The following FAM13A variants were observed in gnomAD, a reference collection of about 807,000 sequenced individuals.
The protein encoded by FAM13A is family with sequence similarity 13 member A.
In FAM13A, 76 loss-of-function variants were observed where a neutral mutation model predicts 129.6. The observed-to-expected ratio is 0.59, with a 90% CI of 0.49 to 0.71. The LOEUF (loss-of-function observed/expected upper bound fraction) is 0.71, where lower values mean the gene tolerates loss of function less well. Ranked by LOEUF, FAM13A falls within the 30% of genes least tolerant of loss-of-function variation. The pLI is 0.00. For missense variants in FAM13A, 1,108 were observed against 1,249.3 expected, an observed-to-expected ratio of 0.89 and a Z score of 1.70; for synonymous variants, 443 against 449.9, an observed-to-expected ratio of 0.98 and a Z score of 0.20.
intron 9 of FAM13A, among the ~76,000 whole-genome samples, chr4:88,790,079 T>C (rs1262989004): frequency 6.6e-6 from 1 of 152,138 alleles, no homozygotes; most frequent in Non-Finnish European, 1.5e-5. Context: ...TTGCCATCAC[T>C]AATTTGCTTT....
chr4:88,922,223 T>C (rs1193162993), intron 5 of FAM13A, among the ~76,000 whole-genome samples: 1 of 151,908 alleles, frequency 6.6e-6, no homozygotes. Context: ...TACAGAACTC[T>C]CCACCCCACA....
At chr4:89,028,180 T>A (rs1401108973) in intron 2 of FAM13A, among the ~76,000 whole-genome samples, 2 of 140,424 alleles carry the variant, frequency 1.4e-5, no homozygotes, top group African/African-American at 5.4e-5. Context: ...CACTACAGCC[T>A]GGGCTACAAA....
Position 88,921,309 on chromosome 4 carries a change from G to A in FAM13A, c.760-14847C>T, listed in dbSNP as rs1171574697. 3.9e-5 allele frequency among the ~76,000 whole-genome samples: 6 copies of A among 152,222 alleles called. No individual in the cohort carries two copies. In the South Asian group the frequency reaches 6.2e-4, roughly 16 times the overall value. On this transcript the variant is annotated intron_variant, in intron 5 of 23. Coordinates refer to ENST00000264344, the MANE Select transcript of FAM13A (RefSeq NM_014883.4). ...TTAAGGGCAGCCAGAGAGAAAGGTC[G>A]GGTTACCCACAAAGGGAAGCCTATC...
At chr4:88,837,185 G>A (rs1339643621) in intron 7 of FAM13A, among the ~76,000 whole-genome samples, 3 of 150,400 alleles carry the variant, frequency 2.0e-5, no homozygotes, top group Non-Finnish European at 3.0e-5. Flanking sequence ...GTAGAGACGA[G>A]GTTTCTCCCA....
Position 89,020,539 on chromosome 4 carries a change from C to A in FAM13A, c.348G>T (p.Leu116=). The change falls in exon 3 of 24, where the codon CTG becomes CTT. Residue 116 remains leucine, a synonymous_variant. Coordinates refer to ENST00000264344, the MANE Select transcript of FAM13A (RefSeq NM_014883.4). Reference sequence around the variant, plus strand: ...GCAGCTCCCTCAGAAACAGCTTCAACAGACTGGCTGCTGAGCAGACATCAC... The same window carrying A: ...GCAGCTCCCTCAGAAACAGCTTCAAAAGACTGGCTGCTGAGCAGACATCAC... ...KDGDVCSAAS[L]LKLFLRELPD... 6.2e-7 allele frequency: 1 copy of A among 1,614,140 alleles called. No homozygotes were observed.
rs201079957 is a variant in FAM13A at position 88,922,179 on chromosome 4, C to T, written c.760-15717G>A. On this transcript the variant is annotated intron_variant, in intron 5 of 23. Coordinates refer to ENST00000264344, the MANE Select transcript of FAM13A (RefSeq NM_014883.4). ...TTAACAAGGATACCCAGGAATTGAA[C>T]TCAGCTCTGCACCAAGCGGACCTAA... Among the ~76,000 whole-genome samples, 8 of 152,122 alleles carry T rather than the reference C, an allele frequency of 5.3e-5. No homozygotes were observed. In the East Asian group the frequency reaches 1.5e-3, roughly 29 times the overall value.
intron 4 of FAM13A, among the ~76,000 whole-genome samples, chr4:88,954,662 A>G (rs1035749426): frequency 6.6e-6 from 1 of 152,166 alleles, no homozygotes; most frequent in Non-Finnish European, 1.5e-5. Context: ...AGGTGGGCAG[A>G]TTGCCTGAGC....
chr4:88,907,586 A>T (rs1561303961), intron 5 of FAM13A, among the ~76,000 whole-genome samples: 1 of 152,214 alleles, frequency 6.6e-6, no homozygotes, highest in Non-Finnish European at 1.5e-5. Context: ...TAAAGACTGC[A>T]TTTATAATGC....
rs376764167 is a variant in FAM13A at position 88,877,830 on chromosome 4, T to A, written c.844-26647A>T. ...CAACTTTCTCCTTGAATCTTCTACT[T>A]CCCACCTCTTATATTGTACATAGCC... On this transcript the variant is annotated intron_variant, in intron 6 of 23. Coordinates refer to ENST00000264344, the MANE Select transcript of FAM13A (RefSeq NM_014883.4). Among the ~76,000 whole-genome samples, 27 of 152,304 alleles carry A rather than the reference T, an allele frequency of 1.8e-4. 1 individual carries two copies. Among genetic ancestry groups the A allele is most frequent in the African/African-American group, 6.5e-4 (27 of 41,564 alleles).
At chr4:88,863,605 C>G (rs993199440) in intron 6 of FAM13A, among the ~76,000 whole-genome samples, 4 of 152,134 alleles carry the variant, frequency 2.6e-5, no homozygotes, top group African/African-American at 9.7e-5. Flanking sequence ...AAATTGGGGA[C>G]AGTCTTGTGG....
In FAM13A at chr4:88,851,124, T is replaced by C; in HGVS notation, c.903A>G (p.Leu301=). ...AGCTGAGCTGAGGAATGCCATCAGA[T>C]AGCTCTGGTTGCAGTACTCTGTGGG... The part of the protein sequence containing the change: ...IQAHRVLQPE[L]SDGIPQLSLR... Residue 301 remains leucine (L), a synonymous_variant, in exon 7 of 24, where the codon CTA becomes CTG. Coordinates refer to ENST00000264344, the MANE Select transcript of FAM13A (RefSeq NM_014883.4). 6.2e-7 allele frequency: 1 copy of C among 1,613,606 alleles called. No individual in the cohort carries two copies. Among genetic ancestry groups the C allele is most frequent in the Non-Finnish European group, 8.5e-7 (1 of 1,179,866 alleles).
intron 8 of FAM13A, among the ~76,000 whole-genome samples, chr4:88,791,862 T>G (rs1361318604): frequency 1.3e-5 from 2 of 152,112 alleles, no homozygotes; most frequent in African/African-American, 4.8e-5. Flanking sequence ...TCATTTTCTT[T>G]CATCACACTC....
intron 6 of FAM13A, among the ~76,000 whole-genome samples, chr4:88,862,920 A>AG (rs1370857705): frequency 6.6e-6 from 1 of 151,640 alleles, no homozygotes; most frequent in Non-Finnish European, 1.5e-5. Context: ...GGACATCATG[A>AG]GGAAAAAAAA....
intron 5 of FAM13A, among the ~76,000 whole-genome samples, chr4:88,907,772 A>G (rs775428606): frequency 3.8e-4 from 58 of 152,212 alleles, no homozygotes; most frequent in Non-Finnish European, 6.9e-4. Context: ...TATATTACTC[A>G]TCTCCGATAT....
intron 7 of FAM13A, among the ~76,000 whole-genome samples, chr4:88,849,923 C>T (rs796546470): frequency 7.9e-5 from 12 of 152,248 alleles, no homozygotes; most frequent in African/African-American, 2.9e-4. Flanking sequence ...GTTATACCTC[C>T]TAAGTAAGCA....
intron 7 of FAM13A, among the ~76,000 whole-genome samples, chr4:88,839,704 T>C (rs138525249): frequency 2.3e-4 from 35 of 152,268 alleles, no homozygotes; most frequent in African/African-American, 7.9e-4. Flanking sequence ...CTGGTCAACA[T>C]AGTGAGACAA....
At chr4:88,900,566 G>T (rs926286117) in intron 6 of FAM13A, among the ~76,000 whole-genome samples, 15 of 152,072 alleles carry the variant, frequency 9.9e-5, no homozygotes, top group African/African-American at 3.6e-4. Context: ...AAGGAAAGGA[G>T]AAATAAGATC....
intron 5 of FAM13A, among the ~76,000 whole-genome samples, chr4:88,909,707 T>C (rs180745019): frequency 6.6e-6 from 1 of 152,162 alleles, no homozygotes; most frequent in African/African-American, 2.4e-5. Context: ...GGATGGTCTC[T>C]ATCTCTTGAC....
chr4:88,797,227 A>T (rs75621874), intron 8 of FAM13A, among the ~76,000 whole-genome samples: 6,636 of 149,882 alleles, frequency 0.044, 198 homozygotes, highest in Non-Finnish European at 0.062. Context: ...TGGCTTTTCA[A>T]TCTCTGACTT....
Sources: allele counts gnomAD v4.1 joint callset (sites outside exome capture counted in the v4.1 genomes callset), GRCh38; gene constraint gnomAD v4.1.1; transcripts MANE v1.5; gene names NCBI Gene and HGNC (gene_info 2026-07-23, HGNC 2026-07-21).